The following PDE1C variants were observed in gnomAD, a reference collection of about 807,000 sequenced individuals.
The protein encoded by PDE1C is dual specificity calcium/calmodulin-dependent 3',5'-cyclic nucleotide phosphodiesterase 1C.
Under a neutral mutation model 93.1 loss-of-function variants are expected in PDE1C, and 62 were observed. The observed-to-expected ratio is 0.67, with a 90% CI of 0.54 to 0.82. The LOEUF is 0.82. Ranked by LOEUF, PDE1C falls within the 40% of genes least tolerant of loss-of-function variation. The pLI is 0.00. For missense variants in PDE1C, 742 were observed against 884.6 expected, an observed-to-expected ratio of 0.84 and a Z score of 2.04; for synonymous variants, 325 against 310.1, an observed-to-expected ratio of 1.05 and a Z score of -0.50.
At chr7:32,000,993 C>CGTGT (rs34671338) in intron 2 of PDE1C, among the ~76,000 whole-genome samples, 8,263 of 149,134 alleles carry the variant, frequency 0.055, 617 homozygotes, top group African/African-American at 0.17. Context: ...TGTGTGTATA[C>CGTGT]GTGTGTGTGT....
rs369939823 is a variant in PDE1C at position 31,892,502 on chromosome 7, G to A, written c.129-11642C>T. On this transcript the variant is annotated intron_variant, in intron 2 of 17. Coordinates refer to ENST00000396191, the MANE Select transcript of PDE1C (RefSeq NM_001191057.4). ...CCTGGGACTCTAAGATATGAAGCAC[G>A]ATTTGCATCTTCCCTCTCCTTTTTC... 7.2e-5 allele frequency among the ~76,000 whole-genome samples: 11 copies of A among 152,294 alleles called. 1 individual carries two copies. Among genetic ancestry groups the A allele is most frequent in the Admixed American group, 2.6e-4 (4 of 15,294 alleles).
At chr7:32,378,484 G>A (rs1784471833) in intron 1 of PDE1C, among the ~76,000 whole-genome samples, 1 of 152,134 alleles carries the variant, frequency 6.6e-6, no homozygotes, top group African/African-American at 2.4e-5. Flanking sequence ...CAGGCTAAGA[G>A]GAGAAGAGGA....
chr7:32,245,320 A>C (rs1808845208), intron 1 of PDE1C, among the ~76,000 whole-genome samples: 1 of 152,130 alleles, frequency 6.6e-6, no homozygotes, highest in Non-Finnish European at 1.5e-5. Flanking sequence ...AAACCCCTAA[A>C]ATGCCCTCCA....
intron 11 of PDE1C, among the ~76,000 whole-genome samples, chr7:31,831,543 A>G (rs1490150989): frequency 6.6e-6 from 1 of 151,812 alleles, no homozygotes; most frequent in Non-Finnish European, 1.5e-5. Context: ...GCTTCATAGG[A>G]CCCTAATAAT....
intron 1 of PDE1C, among the ~76,000 whole-genome samples, chr7:32,304,487 TTC>T (rs1474961397): frequency 6.6e-6 from 1 of 152,192 alleles, no homozygotes; most frequent in Admixed American, 6.5e-5. Flanking sequence ...TCCTCTGTCT[TTC>T]TCTGTGATGA....
intron 3 of PDE1C, among the ~76,000 whole-genome samples, chr7:32,146,339 A>G (rs1800833294): frequency 6.6e-6 from 1 of 152,124 alleles, no homozygotes; most frequent in South Asian, 2.1e-4. Context: ...GAGGTCCAAA[A>G]TGGATTTCAC....
At chr7:32,214,217 G>GTATATA (rs34068716) in intron 1 of PDE1C, among the ~76,000 whole-genome samples, 1 of 150,712 alleles carries the variant, frequency 6.6e-6, no homozygotes, top group East Asian at 1.9e-4. Flanking sequence ...TAAAAAACAT[G>GTATATA]TATATATATA....
chr7:32,096,786 G>T (rs755629057), intron 3 of PDE1C, among the ~76,000 whole-genome samples: 14 of 151,128 alleles, frequency 9.3e-5, no homozygotes, highest in Non-Finnish European at 1.9e-4. Context: ...ATTAGTCAGG[G>T]TTCTGCAGAG....
intron 3 of PDE1C, among the ~76,000 whole-genome samples, chr7:32,167,851 G>A (rs1475749571): frequency 6.6e-6 from 1 of 152,018 alleles, no homozygotes; most frequent in Admixed American, 6.6e-5. Context: ...CCCTACAGAG[G>A]AGCTGTAGGG....
At chr7:31,643,102 G>A in the PDE1C span, 5 of 1,613,956 alleles carry the variant, frequency 3.1e-6, no homozygotes, top group South Asian at 1.1e-5. Flanking sequence ...AGAAATGCAG[G>A]ACAGTTTTGT....
chr7:32,161,324 C>T (rs1247949459), intron 3 of PDE1C, among the ~76,000 whole-genome samples: 1 of 152,170 alleles, frequency 6.6e-6, no homozygotes, highest in African/African-American at 2.4e-5. Flanking sequence ...TCCAAGAGAG[C>T]ACAGAGCATC....
At chr7:31,958,129 GTAAAT>G (rs758075332) in intron 2 of PDE1C, among the ~76,000 whole-genome samples, 124 of 152,314 alleles carry the variant, frequency 8.1e-4, no homozygotes, top group Non-Finnish European at 1.3e-3. Context: ...CATCTGCAGA[GTAAAT>G]TACCTTTCAT....
intron 3 of PDE1C, among the ~76,000 whole-genome samples, chr7:32,101,825 A>C (rs754249114): frequency 6.6e-6 from 1 of 152,216 alleles, no homozygotes; most frequent in Non-Finnish European, 1.5e-5. Flanking sequence ...AGATACCTGA[A>C]GATGTGGAAG....
chr7:31,736,001 TC>T, the PDE1C span, among the ~76,000 whole-genome samples: 1 of 152,196 alleles, frequency 6.6e-6, no homozygotes, highest in African/African-American at 2.4e-5. Context: ...GCCTACACAT[TC>T]ACGTGGATTC....
chr7:31,744,999 G>A, the PDE1C span, among the ~76,000 whole-genome samples: 8 of 151,986 alleles, frequency 5.3e-5, no homozygotes, highest in South Asian at 4.2e-4. Flanking sequence ...TGAAAGATAC[G>A]ACATTTCAAT....
intron 2 of PDE1C, among the ~76,000 whole-genome samples, chr7:32,018,883 T>G (rs1788268584): frequency 6.6e-6 from 1 of 152,064 alleles, no homozygotes; most frequent in Non-Finnish European, 1.5e-5. Flanking sequence ...ACTCTGAGCT[T>G]TATTTCCTAA....
At chr7:32,256,257 A>G (rs1041091442) in intron 1 of PDE1C, among the ~76,000 whole-genome samples, 3 of 152,234 alleles carry the variant, frequency 2.0e-5, no homozygotes, top group African/African-American at 7.2e-5. Context: ...TGCGTAGATG[A>G]CATTAACAGC....
At chr7:31,654,181 G>A in the PDE1C span, among the ~76,000 whole-genome samples, 3 of 152,298 alleles carry the variant, frequency 2.0e-5, no homozygotes, top group African/African-American at 7.2e-5. Flanking sequence ...GGGTGCCTGT[G>A]GAAGGCCTTG....
chr7:32,269,448 T>C (rs1478624511), intron 1 of PDE1C, among the ~76,000 whole-genome samples: 1 of 119,648 alleles, frequency 8.4e-6, no homozygotes, highest in South Asian at 3.0e-4. Context: ...ATTTTTTTGA[T>C]GTTTTTGTTT....
Sources: allele counts gnomAD v4.1 joint callset (sites outside exome capture counted in the v4.1 genomes callset), GRCh38; gene constraint gnomAD v4.1.1; transcripts MANE v1.5; gene names NCBI Gene and HGNC (gene_info 2026-07-23, HGNC 2026-07-21).